LRP6: variants seen among roughly 807,000 people sequenced by gnomAD.
LRP6 encodes low-density lipoprotein receptor-related protein 6.
A neutral mutation model predicts 184.1 loss-of-function variants in LRP6; 43 were observed. The ratio of observed to expected loss-of-function variants is 0.23; its 90% CI spans 0.18 to 0.30. The LOEUF (loss-of-function observed/expected upper bound fraction) is 0.30, where lower values mean the gene tolerates loss of function less well. Ranked by LOEUF, LRP6 falls within the 10% of genes least tolerant of loss-of-function variation. The pLI, the probability that LRP6 is intolerant of heterozygous loss-of-function variation, is 1.00. For missense variants in LRP6, 1,571 were observed against 2,005.3 expected, an observed-to-expected ratio of 0.78 and a Z score of 4.14; for synonymous variants, 719 against 684.9, an observed-to-expected ratio of 1.05 and a Z score of -0.78.
At position 12,141,243 on chromosome 12, in the gene LRP6, TCAAA is replaced by T. The variant is rs566267514; in HGVS notation, c.3398-2713_3398-2710del. 7.3e-3 allele frequency among the ~76,000 whole-genome samples: 1,104 copies of T among 150,420 alleles called. 3 individuals are homozygous for T. Among genetic ancestry groups the T allele is most frequent in the Non-Finnish European group, 0.012 (816 of 67,602 alleles). ...AAGAAAAAAGGAAAGAAGGGAGGAA[TCAAA>T]CAAAGGCACAGTATCAAATTCTAGG... On this transcript the variant is annotated intron_variant, in intron 15 of 22. Transcript: ENST00000261349.
intron 15 of LRP6, chr12:12,139,099 A>ACCC: frequency 1.1e-6 from 1 of 891,506 alleles, no homozygotes; most frequent in Non-Finnish European, 1.5e-6. Context: ...CTGTGTTCAT[A>ACCC]CCCCCCACCC....
At chr12:12,136,014 G>T (rs756803294) in intron 16 of LRP6, among the ~76,000 whole-genome samples, 1 of 151,898 alleles carries the variant, frequency 6.6e-6, no homozygotes. Context: ...GTGAAATCCC[G>T]TCTCTACTAA....
At chr12:12,212,725 T>C (rs1034098348) in intron 2 of LRP6, among the ~76,000 whole-genome samples, 1 of 152,246 alleles carries the variant, frequency 6.6e-6, no homozygotes, top group African/African-American at 2.4e-5. Flanking sequence ...CACTGACTTT[T>C]TCATTAAATG....
intron 1 of LRP6, among the ~76,000 whole-genome samples, chr12:12,254,615 T>C (rs1177969783): frequency 6.6e-6 from 1 of 152,248 alleles, no homozygotes; most frequent in African/African-American, 2.4e-5. Flanking sequence ...TCAATGAGTC[T>C]GCCTTCTAGC....
chr12:12,186,001 AC>A (rs1342379364), intron 4 of LRP6, among the ~76,000 whole-genome samples: 9 of 151,762 alleles, frequency 5.9e-5, no homozygotes, highest in Non-Finnish European at 4.4e-5. Context: ...ACACGCCACC[AC>A]GCCTGGCTAA....
At chr12:12,148,849 G>C (rs1043495035) in intron 14 of LRP6, 93 bp downstream of exon 14, 9 of 890,698 alleles carry the variant, frequency 1.0e-5, no homozygotes, top group African/African-American at 3.3e-5. Context: ...CTGGAGCACA[G>C]GACACTTAAA....
chr12:12,193,977 T>G (rs1863685276), intron 3 of LRP6, among the ~76,000 whole-genome samples: 1 of 151,996 alleles, frequency 6.6e-6, no homozygotes, highest in Non-Finnish European at 1.5e-5. Context: ...TAACAACATT[T>G]CAAAAGAAGT....
chr12:12,145,483 T>C lies in LRP6; in HGVS notation c.3397+1883A>G, dbSNP rs542392995. Among the ~76,000 whole-genome samples the C allele has an allele frequency of 1.1e-4, 16 of 151,970 alleles. No individual in the cohort carries two copies. In the South Asian group the frequency reaches 2.7e-3, roughly 26 times the overall value. ...ATTTCTTGAGGAAAATACTGACATG[T>C]ATGTCTGTTTCTTTTCCCCTCTCCT... On this transcript the variant is annotated intron_variant, in intron 15 of 22. Coordinates refer to ENST00000261349, the MANE Select transcript of LRP6 (RefSeq NM_002336.3).
intron 1 of LRP6, among the ~76,000 whole-genome samples, chr12:12,255,747 T>G (rs1339193519): frequency 6.6e-6 from 1 of 151,956 alleles, no homozygotes; most frequent in Non-Finnish European, 1.5e-5. Context: ...TTTTGGATTT[T>G]TTTTGTAGAG....
Position 12,149,136 on chromosome 12 carries a change from C to G in LRP6, c.3012G>C (p.Val1004=). The change falls in exon 14 of 23, where the codon GTG becomes GTC. Residue 1004 remains valine, a synonymous_variant. Transcript: ENST00000261349. The part of the protein sequence containing the change: ...EDGSQGFTVV[V]SSVPSQNLEI... The stretch of plus-strand genomic sequence containing the variant: ...CCAGGTTCTGACTCGGAACTGAGCT[C>G]ACAACCACAGTAAAGCCCTAGGGAA... The G allele has an allele frequency of 1.9e-6, 3 of 1,613,774 alleles. No homozygotes were observed. The highest frequency in any genetic ancestry group is 2.2e-5 in the South Asian group (2 of 91,042).
rs1950048219 is a variant in LRP6 at position 12,149,167 on chromosome 12, G to T, written c.2995-14C>A. On this transcript the variant is annotated splice_polypyrimidine_tract_variant and intron_variant, in intron 13 of 22. Transcript: ENST00000261349. ...CACAGTAAAGCCCTAGGGAAAAAAAGAAATACAGAGAAAATTAAACTCCAG... is the reference window on the plus strand; with the variant it reads ...CACAGTAAAGCCCTAGGGAAAAAAATAAATACAGAGAAAATTAAACTCCAG... 6.2e-7 allele frequency: 1 copy of T among 1,607,232 alleles called. No homozygotes were observed. Among genetic ancestry groups the T allele is most frequent in the South Asian group, 1.1e-5 (1 of 90,932 alleles).
chr12:12,208,898 T>C (rs936417575), intron 2 of LRP6, among the ~76,000 whole-genome samples: 2 of 152,210 alleles, frequency 1.3e-5, no homozygotes, highest in Non-Finnish European at 2.9e-5. Flanking sequence ...ACAAATCAAT[T>C]GATATTTCCA....
rs1044491674 is a variant in LRP6 at position 12,168,327 on chromosome 12, A to G, written c.1546-3032T>C. Among the ~76,000 whole-genome samples, 15 of 152,344 alleles carry G rather than the reference A, an allele frequency of 9.8e-5. No homozygotes were observed. In the East Asian group the frequency reaches 1.2e-3, roughly 12 times the overall value. ...AGGAAAAACTTCAGGAAATAATAGC[A>G]GTTGAAATTCATCTTGAAGAATTAG... On this transcript the variant is annotated intron_variant, in intron 7 of 22. Coordinates refer to ENST00000261349, the MANE Select transcript of LRP6 (RefSeq NM_002336.3).
In LRP6 at chr12:12,124,573, C is replaced by A. The variant is rs900574041; in HGVS notation, c.4539G>T (p.Arg1513Ser). The part of the protein sequence containing the change: ...GYSSNSPSTH[R>S]SYSYRPYSYR... ...AGAAGGATGTGTATTACCTGTATGA[C>A]CTATGAGTGGAAGGACTGTTTGAAG... is the stretch of plus-strand genomic sequence containing the variant. Residue 1513 changes from arginine to serine, a missense_variant, in exon 22 of 23, where the codon AGG (arginine) becomes AGT (serine). Physicochemically the swap from Arg to Ser is moderately radical, Grantham distance 110 (BLOSUM62 -1). Transcript: ENST00000261349. The A allele has an allele frequency of 6.2e-7, 1 of 1,605,046 alleles. No individual in the cohort carries two copies. The highest frequency in any genetic ancestry group is 8.5e-7 in the Non-Finnish European group (1 of 1,171,870).
chr12:12,143,917 T>A (rs745620870), intron 15 of LRP6, among the ~76,000 whole-genome samples: 2 of 152,216 alleles, frequency 1.3e-5, no homozygotes, highest in Non-Finnish European at 2.9e-5. Flanking sequence ...AAGTGTGAAG[T>A]GTGAGCTTTT....
At chr12:12,227,712 T>C (rs1022911927) in intron 2 of LRP6, among the ~76,000 whole-genome samples, 3 of 152,124 alleles carry the variant, frequency 2.0e-5, no homozygotes, top group Admixed American at 2.0e-4. Context: ...CCTGGCCTTT[T>C]CTTATTCTTA....
intron 7 of LRP6, among the ~76,000 whole-genome samples, chr12:12,178,164 T>C (rs7960036): frequency 0.039 from 6,001 of 152,176 alleles, 380 homozygotes; most frequent in African/African-American, 0.14. Context: ...TTATATAAAG[T>C]GTATTAATTT....
intron 1 of LRP6, chr12:12,249,149 G>A: frequency 1.4e-6 from 1 of 709,500 alleles, no homozygotes. Flanking sequence ...TGATAATTGG[G>A]CCTGCAAGAA....
intron 13 of LRP6, among the ~76,000 whole-genome samples, chr12:12,149,657 G>GC (rs1436852353): frequency 3.9e-5 from 6 of 152,138 alleles, no homozygotes; most frequent in Non-Finnish European, 7.4e-5. Context: ...ATTCCGAGCA[G>GC]CCCCCCACAA....
Sources: gnomAD v4.1 joint callset for allele counts (sites outside exome capture counted in the v4.1 genomes callset) on GRCh38, gnomAD v4.1.1 for gene constraint, MANE v1.5 for transcripts, NCBI Gene and HGNC (gene_info 2026-07-23, HGNC 2026-07-21) for gene names.